The following SGIP1 variants were observed in gnomAD, a reference collection of about 807,000 sequenced individuals.
SGIP1 encodes the protein SH3-containing GRB2-like protein 3-interacting protein 1.
A neutral mutation model predicts 107.5 loss-of-function variants in SGIP1; 38 were observed. The ratio of observed to expected loss-of-function variants is 0.35; its 90% confidence interval spans 0.27 to 0.46. The LOEUF (loss-of-function observed/expected upper bound fraction) is 0.46. Ranked by LOEUF, SGIP1 falls within the 20% of genes least tolerant of loss-of-function variation. The pLI is 1.00. For synonymous variants in SGIP1, 365 were observed against 366.1 expected (o/e 1.00, Z 0.03); for missense variants, 929 against 1,019.5 (o/e 0.91, Z 1.21).
rs2094585917 is a variant in SGIP1, at chr1:66,748,709, A to G, written c.*5614A>G. ...TTTTAAATGTCCCGTAATGTTTTAA[A>G]GAAAAGAAGTAAAGTGTATTTGGGC... On this transcript the variant is annotated 3_prime_UTR_variant, in exon 25 of 25. Coordinates refer to ENST00000371037, the MANE Select transcript of SGIP1 (RefSeq NM_032291.4). Among the ~76,000 whole-genome samples the G allele has an allele frequency of 6.6e-6, 1 of 152,036 alleles. No homozygotes were observed. The highest frequency in any genetic ancestry group is 6.5e-5 in the Admixed American group (1 of 15,272).
At chr1:66,713,415 A>G (rs900170114) in intron 18 of SGIP1, among the ~76,000 whole-genome samples, 5 of 152,114 alleles carry the variant, frequency 3.3e-5, no homozygotes, top group African/African-American at 9.7e-5. Context: ...GCTAGAGATA[A>G]TGATACCTAA....
intron 21 of SGIP1, among the ~76,000 whole-genome samples, chr1:66,736,147 A>G (rs893171352): frequency 2.7e-5 from 4 of 147,544 alleles, no homozygotes; most frequent in African/African-American, 4.9e-5. Context: ...TATACAATCT[A>G]TAACATATAA....
rs748744890 is a variant in SGIP1 at position 66,741,260 on chromosome 1, G to A, written c.2300-12G>A. The A allele has an allele frequency of 6.6e-7, 1 of 1,508,054 alleles. No homozygotes were observed. Among genetic ancestry groups the A allele is most frequent in the Non-Finnish European group, 9.0e-7 (1 of 1,116,794 alleles). 93.4% of individuals were successfully genotyped at this position (1,508,054 alleles called of 1,614,324 possible). A position where few individuals can be genotyped will look rare whatever the true frequency, so the allele number is the denominator to read the frequency against. ...GTTGACTGTTACCTTGTAATAATGT[G>A]TTTTTTTTTAGGGGTGGGTTCTTTG... On this transcript the variant is annotated splice_polypyrimidine_tract_variant and intron_variant, in intron 23 of 24. Transcript: ENST00000371037.
At chr1:66,661,866 C>T (rs1202989163) in intron 8 of SGIP1, among the ~76,000 whole-genome samples, 1 of 151,818 alleles carries the variant, frequency 6.6e-6, no homozygotes, top group South Asian at 2.1e-4. Context: ...CAAGAATATC[C>T]CCCCCATCAT....
chr1:66,533,977 G>T (rs905217782), upstream of SGIP1, among the ~76,000 whole-genome samples: 1 of 151,202 alleles, frequency 6.6e-6, no homozygotes. Context: ...AGCGGGAGGC[G>T]ATGGGGGTGG....
intron 1 of SGIP1, among the ~76,000 whole-genome samples, chr1:66,544,497 G>A (rs184498262): frequency 1.7e-4 from 26 of 152,228 alleles, no homozygotes; most frequent in African/African-American, 6.0e-4. Flanking sequence ...GACCAGGCTG[G>A]CCAACATGGC....
intron 24 of SGIP1, among the ~76,000 whole-genome samples, chr1:66,742,431 T>C (rs561669128): frequency 5.3e-4 from 80 of 149,830 alleles, no homozygotes; most frequent in Non-Finnish European, 9.2e-4. Flanking sequence ...ATGATCCAAA[T>C]TGGAATATAA....
chr1:66,550,047 T>C (rs974682054), intron 1 of SGIP1, among the ~76,000 whole-genome samples: 2 of 152,154 alleles, frequency 1.3e-5, no homozygotes, highest in African/African-American at 4.8e-5. Flanking sequence ...CTCATTGCTA[T>C]ACCCACTCTG....
At chr1:66,535,342 A>G (rs539876598) in intron 1 of SGIP1, among the ~76,000 whole-genome samples, 13 of 152,318 alleles carry the variant, frequency 8.5e-5, no homozygotes, top group Admixed American at 7.8e-4. Context: ...TGGATTTCAC[A>G]ATGCAGAATT....
intron 17 of SGIP1, among the ~76,000 whole-genome samples, chr1:66,693,678 A>G (rs1230206921): frequency 1.3e-5 from 2 of 152,184 alleles, no homozygotes; most frequent in Admixed American, 6.5e-5. Context: ...TAGAGTCAAA[A>G]ATCCCAATTA....
chr1:66,742,456 C>CTTTTTT (rs1557832284), intron 24 of SGIP1, among the ~76,000 whole-genome samples: 1 of 64,136 alleles, frequency 1.6e-5, no homozygotes, highest in African/African-American at 5.5e-5. Context: ...TATGAGCACC[C>CTTTTTT]TTTCTTTTTT....
chr1:66,634,464 C>G (rs2075407036), intron 3 of SGIP1, among the ~76,000 whole-genome samples: 1 of 152,190 alleles, frequency 6.6e-6, no homozygotes, highest in Non-Finnish European at 1.5e-5. Context: ...CCTGGTACAG[C>G]AGCTGACACG....
chr1:66,547,215 T>A (rs1156900654), intron 1 of SGIP1, among the ~76,000 whole-genome samples: 1 of 152,130 alleles, frequency 6.6e-6, no homozygotes, highest in African/African-American at 2.4e-5. Context: ...TGTCTACAAA[T>A]GATTTTTTTT....
chr1:66,550,971 G>A (rs574811304), intron 1 of SGIP1, among the ~76,000 whole-genome samples: 11 of 152,154 alleles, frequency 7.2e-5, no homozygotes, highest in Admixed American at 7.2e-4. Flanking sequence ...CCATATAGGG[G>A]CAGAACAATG....
chr1:66,636,187 A>G (rs1394343933), intron 4 of SGIP1, among the ~76,000 whole-genome samples, 172 bp downstream of exon 4: 1 of 152,206 alleles, frequency 6.6e-6, no homozygotes, highest in East Asian at 1.9e-4. Context: ...TAAATTAACC[A>G]TATAGACTTT....
At chr1:66,740,350 AATTAATTG>A (rs1243488818) in intron 22 of SGIP1, among the ~76,000 whole-genome samples, 1 of 130,186 alleles carries the variant, frequency 7.7e-6, no homozygotes, top group Non-Finnish European at 1.8e-5. Context: ...AAATTACCTT[AATTAATTG>A]ATTAACACTC....
At position 66,747,867 on chromosome 1, in the gene SGIP1, A is replaced by G. The variant is rs1326468224; in HGVS notation, c.*4772A>G. ...TCAGTCTAAATGTACTCATTTTGCC[A>G]CATGGTTTTCTGATCAGCAATTTTT... On this transcript the variant is annotated 3_prime_UTR_variant, in exon 25 of 25. Coordinates refer to ENST00000371037, the MANE Select transcript of SGIP1 (RefSeq NM_032291.4). 2.0e-5 allele frequency: 3 copies of G among 152,134 alleles called. No individual in the cohort carries two copies. The East Asian group carries it at 5.8e-4, about 29-fold the overall frequency. The allele number at this position is 152,134 out of a possible 1,614,324, so 9.4% of individuals were successfully genotyped here. A position where few individuals can be genotyped will look rare whatever the true frequency, so the allele number is the denominator to read the frequency against.
intron 1 of SGIP1, among the ~76,000 whole-genome samples, chr1:66,565,295 T>C (rs1274452529): frequency 2.6e-5 from 4 of 152,090 alleles, no homozygotes; most frequent in Non-Finnish European, 5.9e-5. Flanking sequence ...TCCCTTTTCT[T>C]TCATTTATAT....
intron 20 of SGIP1, 45 bp downstream of exon 20, chr1:66,729,464 A>T (rs558834170): frequency 6.2e-7 from 1 of 1,610,830 alleles, no homozygotes; most frequent in East Asian, 2.2e-5. Context: ...CATGTGGCTT[A>T]GTACTTTGTA....
Sources: gnomAD v4.1 joint callset for allele counts (sites outside exome capture counted in the v4.1 genomes callset) on GRCh38, gnomAD v4.1.1 for gene constraint, MANE v1.5 for transcripts, NCBI Gene and HGNC (gene_info 2026-07-23, HGNC 2026-07-21) for gene names.